GNPTAB: variants seen among roughly 807,000 people sequenced by gnomAD.
The protein encoded by GNPTAB is N-acetylglucosamine-1-phosphotransferase subunits alpha/beta.
Under a neutral mutation model 136.6 loss-of-function variants are expected in GNPTAB, and 92 were observed. The observed-to-expected ratio is 0.67, with a 90% CI of 0.57 to 0.80. GNPTAB has a LOEUF of 0.80. GNPTAB is among the 30% of genes least tolerant of loss of function. The pLI, the probability that GNPTAB is intolerant of heterozygous loss-of-function variation, is 0.00. For synonymous variants in GNPTAB, 512 were observed against 535.1 expected (o/e 0.96, Z 0.60); for missense variants, 1,343 against 1,501.8 (o/e 0.89, Z 1.75).
chr12:101,828,515 C>A (rs957385695), intron 1 of GNPTAB, among the ~76,000 whole-genome samples: 1 of 152,036 alleles, frequency 6.6e-6, no homozygotes, highest in Non-Finnish European at 1.5e-5. Context: ...AAAAATTAGC[C>A]AGGTGTGGTG....
At chr12:101,773,829 G>T (rs1300231986) in intron 7 of GNPTAB, 1 of 152,216 alleles carries the variant, frequency 6.6e-6, no homozygotes, top group Non-Finnish European at 1.5e-5. Flanking sequence ...TGTGGGAAGA[G>T]CAGCTGTAGT....
At chr12:101,757,008 C>CG (rs1952910351) in intron 18 of GNPTAB, 1 of 529,230 alleles carries the variant, frequency 1.9e-6, no homozygotes, top group Non-Finnish European at 3.3e-6. Context: ...GAACCCAGTT[C>CG]TTCGAAGTTC....
chr12:101,821,420 C>G (rs1053471352), intron 1 of GNPTAB, among the ~76,000 whole-genome samples: 3 of 152,172 alleles, frequency 2.0e-5, no homozygotes, highest in Admixed American at 2.0e-4. Flanking sequence ...GTTTCATCTC[C>G]CAGGCAAGCT....
chr12:101,800,859 T>C (rs1389724729), intron 1 of GNPTAB, among the ~76,000 whole-genome samples: 5 of 151,990 alleles, frequency 3.3e-5, no homozygotes, highest in Admixed American at 6.6e-5. Context: ...CTTTAATTGG[T>C]ACCTTGAAGC....
At chr12:101,777,748 T>C (rs1027863464) in intron 7 of GNPTAB, among the ~76,000 whole-genome samples, 3 of 152,204 alleles carry the variant, frequency 2.0e-5, no homozygotes, top group Non-Finnish European at 4.4e-5. Flanking sequence ...GTACTCATAA[T>C]GTAATCAGGA....
At chr12:101,777,833 T>C (rs1953281721) in intron 7 of GNPTAB, among the ~76,000 whole-genome samples, 1 of 152,220 alleles carries the variant, frequency 6.6e-6, no homozygotes, top group Non-Finnish European at 1.5e-5. Flanking sequence ...TTCCTCTTTC[T>C]CATTTTCTCT....
chr12:101,752,219 T>C (rs1952830263), intron 19 of GNPTAB, among the ~76,000 whole-genome samples: 1 of 151,452 alleles, frequency 6.6e-6, no homozygotes, highest in East Asian at 1.9e-4. Context: ...AGCCAAGGAG[T>C]TTGAGACCAG....
intron 16 of GNPTAB, among the ~76,000 whole-genome samples, chr12:101,759,051 C>T (rs1216686632): frequency 6.6e-6 from 1 of 152,044 alleles, no homozygotes; most frequent in East Asian, 1.9e-4. Context: ...CCATTATTTT[C>T]TCCACCTAAT....
intron 1 of GNPTAB, among the ~76,000 whole-genome samples, chr12:101,800,360 A>T (rs1869542388): frequency 6.6e-6 from 1 of 152,040 alleles, no homozygotes. Flanking sequence ...TTAAAAAAAA[A>T]TTATGGTCTT....
Position 101,756,347 on chromosome 12 carries a change from T to G in GNPTAB, c.3434+865A>C, listed in dbSNP as rs139039242. 1.8e-3 allele frequency: 349 copies of G among 196,640 alleles called. 1 individual carries two copies. The Middle Eastern group carries it at 0.027, about 15-fold the overall frequency. The allele number at this position is 196,640 out of a possible 1,614,324, so 12.2% of individuals were successfully genotyped here. On this transcript the variant is annotated intron_variant, in intron 18 of 20. Transcript: ENST00000299314. ...GTTCACATCTTTGATTATTTATAATTAAAATCCTAATTTCAGTGAGGTAAA... is the reference window on the plus strand; with the variant it reads ...GTTCACATCTTTGATTATTTATAATGAAAATCCTAATTTCAGTGAGGTAAA...
rs1283887419 is a variant in GNPTAB at position 101,746,629 on chromosome 12, G to T, written c.*535C>A. ...AATTTAGGTATTGTCAATAAGAGGT[G>T]ATATTGCTGCATTATTTAAATAACA... On this transcript the variant is annotated 3_prime_UTR_variant, in exon 21 of 21. Transcript: ENST00000299314. 1 of 154,572 alleles carries T rather than the reference G, an allele frequency of 6.5e-6. No homozygotes were observed. The highest frequency in any genetic ancestry group is 1.9e-4 in the East Asian group (1 of 5,280). The allele number at this position is 154,572 out of a possible 1,614,324, so 9.6% of individuals were successfully genotyped here.
At chr12:101,828,095 T>C (rs1357305975) in intron 1 of GNPTAB, among the ~76,000 whole-genome samples, 1 of 152,244 alleles carries the variant, frequency 6.6e-6, no homozygotes, top group African/African-American at 2.4e-5. Flanking sequence ...AGTATTCTGA[T>C]TCAAGGATAT....
At chr12:101,752,372 T>C (rs995716578) in intron 19 of GNPTAB, among the ~76,000 whole-genome samples, 8 of 152,022 alleles carry the variant, frequency 5.3e-5, no homozygotes, top group African/African-American at 1.9e-4. Context: ...TTGCAGTGAG[T>C]AGACATCATG....
chr12:101,768,580 A>G (rs1399179278), intron 10 of GNPTAB, among the ~76,000 whole-genome samples: 3 of 152,228 alleles, frequency 2.0e-5, no homozygotes, highest in African/African-American at 4.8e-5. Context: ...GTATTTGTGC[A>G]TAATCTTGTC....
chr12:101,750,536 A>G (rs75733424), intron 19 of GNPTAB, among the ~76,000 whole-genome samples: 3,741 of 152,318 alleles, frequency 0.025, 84 homozygotes, highest in African/African-American at 0.051. Flanking sequence ...CACAGAAATC[A>G]AGGTCCTCTC....
intron 7 of GNPTAB, chr12:101,778,932 T>C (rs917357298): frequency 6.7e-6 from 1 of 149,340 alleles, no homozygotes; most frequent in East Asian, 2.4e-4. Flanking sequence ...AAGAAAAATA[T>C]GAAAAAAGTA....
chr12:101,771,478 A>G (rs900613823), intron 7 of GNPTAB, among the ~76,000 whole-genome samples: 7 of 152,120 alleles, frequency 4.6e-5, no homozygotes, highest in Non-Finnish European at 7.4e-5. Context: ...TCCTGACCTC[A>G]GGTGATCCAC....
chr12:101,816,212 A>G (rs1001265164), intron 1 of GNPTAB, among the ~76,000 whole-genome samples: 15 of 152,224 alleles, frequency 9.9e-5, no homozygotes, highest in African/African-American at 3.6e-4. Flanking sequence ...CAATCTAAAA[A>G]GCTTCTGCAC....
chr12:101,763,685 C>CG (rs1953036497), intron 13 of GNPTAB, among the ~76,000 whole-genome samples: 1 of 152,236 alleles, frequency 6.6e-6, no homozygotes. Flanking sequence ...CGTCATCTTG[C>CG]ATTCCCCAGT....
Sources: allele counts gnomAD v4.1 joint callset (sites outside exome capture counted in the v4.1 genomes callset), GRCh38; gene constraint gnomAD v4.1.1; transcripts MANE v1.5; gene names NCBI Gene and HGNC (gene_info 2026-07-23, HGNC 2026-07-21).